SNTB2: variants seen among roughly 807,000 people sequenced by gnomAD.
SNTB2 encodes beta-2-syntrophin.
Under a neutral mutation model 46.2 loss-of-function variants are expected in SNTB2, and 34 were observed. The ratio of observed to expected loss-of-function variants is 0.74; its 90% CI spans 0.56 to 0.98. The LOEUF is 0.98. Ranked by LOEUF, SNTB2 falls within the 50% of genes least tolerant of loss-of-function variation. The pLI, the probability that SNTB2 is intolerant of heterozygous loss-of-function variation, is 0.00. For synonymous variants in SNTB2, 290 were observed against 312.6 expected (o/e 0.93, Z 0.76); for missense variants, 603 against 731.4 (o/e 0.82, Z 2.02).
intron 1 of SNTB2, among the ~76,000 whole-genome samples, chr16:69,216,202 T>A (rs1285789206): frequency 6.6e-6 from 1 of 152,230 alleles, no homozygotes; most frequent in Non-Finnish European, 1.5e-5. Flanking sequence ...GAGCTCCTGC[T>A]CTTTACCATG....
intron 2 of SNTB2, among the ~76,000 whole-genome samples, chr16:69,257,473 G>A (rs1964789911): frequency 6.6e-6 from 1 of 150,756 alleles, no homozygotes; most frequent in Non-Finnish European, 1.5e-5. Context: ...TTGAGACGGA[G>A]TCTTGCTCTG....
At chr16:69,237,992 C>T (rs1159279694) in intron 1 of SNTB2, among the ~76,000 whole-genome samples, 1 of 152,150 alleles carries the variant, frequency 6.6e-6, no homozygotes, top group Non-Finnish European at 1.5e-5. Flanking sequence ...GGAGTGTCTG[C>T]TTTCTCTTCC....
chr16:69,255,660 C>T (rs1487326273), intron 2 of SNTB2, among the ~76,000 whole-genome samples: 2 of 151,878 alleles, frequency 1.3e-5, no homozygotes, highest in Non-Finnish European at 2.9e-5. Context: ...GCGGGTGGAT[C>T]ACCTGAGGTC....
chr16:69,211,673 C>T (rs1438079081), intron 1 of SNTB2, among the ~76,000 whole-genome samples: 1 of 151,982 alleles, frequency 6.6e-6, no homozygotes, highest in African/African-American at 2.4e-5. Flanking sequence ...TTTGGGATAA[C>T]CTGAGCAGCT....
intron 1 of SNTB2, among the ~76,000 whole-genome samples, chr16:69,198,067 C>A (rs922845741): frequency 6.6e-6 from 1 of 150,610 alleles, no homozygotes; most frequent in Non-Finnish European, 1.5e-5. Flanking sequence ...TGATATTGAT[C>A]TCTGTTGTCC....
intron 1 of SNTB2, among the ~76,000 whole-genome samples, chr16:69,227,841 ATTTTTTTTTTTTTT>A (rs60387965): frequency 8.6e-6 from 1 of 115,914 alleles, no homozygotes; most frequent in Non-Finnish European, 1.7e-5. Context: ...GTTTCTCTGG[ATTTTTTTTTTTTTT>A]TTTTTTTTTT....
chr16:69,263,914 A>G (rs1212826572), intron 3 of SNTB2, among the ~76,000 whole-genome samples: 1 of 147,784 alleles, frequency 6.8e-6, no homozygotes, highest in Admixed American at 6.8e-5. Context: ...CCAGAGTCTC[A>G]CTCTGTTGCA....
At chr16:69,244,152 C>G (rs781356650) in intron 1 of SNTB2, among the ~76,000 whole-genome samples, 15 of 152,178 alleles carry the variant, frequency 9.9e-5, no homozygotes, top group Non-Finnish European at 2.1e-4. Context: ...ATAGCAAGCA[C>G]AGTTAGGATT....
chr16:69,200,030 G>A (rs1405008174), intron 1 of SNTB2, among the ~76,000 whole-genome samples: 1 of 151,708 alleles, frequency 6.6e-6, no homozygotes, highest in African/African-American at 2.4e-5. Context: ...TTCTCCTGCC[G>A]CAGCCTCTTG....
chr16:69,232,351 G>A (rs1964514158), intron 1 of SNTB2, among the ~76,000 whole-genome samples: 1 of 150,960 alleles, frequency 6.6e-6, no homozygotes, highest in Non-Finnish European at 1.5e-5. Flanking sequence ...GACTACAGGT[G>A]CCTGCCACCA....
At chr16:69,220,516 C>T (rs1002534805) in intron 1 of SNTB2, among the ~76,000 whole-genome samples, 4 of 151,266 alleles carry the variant, frequency 2.6e-5, no homozygotes, top group African/African-American at 4.9e-5. Flanking sequence ...ACTCTTTAGG[C>T]GTACAGTTCC....
intron 2 of SNTB2, among the ~76,000 whole-genome samples, chr16:69,258,417 A>C (rs551098841): frequency 1.3e-5 from 2 of 152,198 alleles, no homozygotes; most frequent in East Asian, 3.9e-4. Flanking sequence ...AAAATATTTT[A>C]GCTATTTTCT....
chr16:69,206,655 C>T (rs538901445), intron 1 of SNTB2, among the ~76,000 whole-genome samples: 3 of 149,824 alleles, frequency 2.0e-5, no homozygotes, highest in Admixed American at 1.3e-4. Flanking sequence ...CACTCCATTG[C>T]ACTCCAGCCT....
At chr16:69,267,089 G>T (rs1051699584) in intron 3 of SNTB2, among the ~76,000 whole-genome samples, 1 of 150,730 alleles carries the variant, frequency 6.6e-6, no homozygotes, top group South Asian at 2.1e-4. Flanking sequence ...GTGCAGTGGC[G>T]CAGTCTCAGC....
chr16:69,279,633 C>G (rs1237521901), intron 4 of SNTB2, among the ~76,000 whole-genome samples: 3 of 144,492 alleles, frequency 2.1e-5, no homozygotes, highest in Non-Finnish European at 4.5e-5. Context: ...TCACGCCATT[C>G]TCTTGCCTCA....
rs148331713 is a variant in SNTB2, at chr16:69,285,800, T to C, written c.1345+1556T>C. 3.0e-3 allele frequency among the ~76,000 whole-genome samples: 446 copies of C among 149,166 alleles called. 1 individual carries two copies. The highest frequency in any genetic ancestry group is 0.01 in the African/African-American group (423 of 40,322). On this transcript the variant is annotated intron_variant, in intron 5 of 6. Coordinates refer to ENST00000336278, the MANE Select transcript of SNTB2 (RefSeq NM_006750.4). ...GCACCTGGCCTTTTCAGTTTACTTA[T>C]TTATTTTTTTGACATGGAGTCTCAC...
intron 4 of SNTB2, 34 bp downstream of exon 4, chr16:69,270,319 T>C: frequency 6.2e-7 from 1 of 1,612,030 alleles, no homozygotes; most frequent in South Asian, 1.1e-5. Flanking sequence ...AGTAAAATAT[T>C]TATCCTACTC....
Position 69,303,211 on chromosome 16 carries a change from G to T in SNTB2, c.*2287G>T, listed in dbSNP as rs963156179. 6.6e-6 allele frequency: 1 copy of T among 152,128 alleles called. No homozygotes were observed. The highest frequency in any genetic ancestry group is 2.4e-5 in the African/African-American group (1 of 41,418). The allele number at this position is 152,128 out of a possible 1,614,324, so 9.4% of individuals were successfully genotyped here. A position where few individuals can be genotyped will look rare whatever the true frequency, so the allele number is the denominator to read the frequency against. ...AGAGAAGGAAAAAAATCTCTTGAAC[G>T]TCCAGAAATGATTTCTGGAATCAGA... On this transcript the variant is annotated 3_prime_UTR_variant, in exon 7 of 7. Coordinates refer to ENST00000336278, the MANE Select transcript of SNTB2 (RefSeq NM_006750.4).
chr16:69,245,595 T>C lies in SNTB2; in HGVS notation c.581-7T>C. ...CTAACCTTCTTCTTTGATTTTTTTG[T>C]TCATAGTCAAGTTCATCCGAGAAGT... On this transcript the variant is annotated splice_region_variant and splice_polypyrimidine_tract_variant and intron_variant, in intron 1 of 6. Transcript: ENST00000336278. 1 of 1,613,460 alleles carries C rather than the reference T, an allele frequency of 6.2e-7. No homozygotes were observed. Among genetic ancestry groups the C allele is most frequent in the Non-Finnish European group, 8.5e-7 (1 of 1,179,532 alleles).
Sources: allele counts gnomAD v4.1 joint callset (sites outside exome capture counted in the v4.1 genomes callset), GRCh38; gene constraint gnomAD v4.1.1; transcripts MANE v1.5; gene names NCBI Gene and HGNC (gene_info 2026-07-23, HGNC 2026-07-21).